The following ZNHIT6 variants were observed in gnomAD, a reference collection of about 807,000 sequenced individuals.
ZNHIT6 encodes box C/D snoRNA protein 1.
Under a neutral mutation model 57.2 loss-of-function variants are expected in ZNHIT6, and 45 were observed. The ratio of observed to expected loss-of-function variants is 0.79; its 90% CI spans 0.62 to 1.01. The LOEUF (loss-of-function observed/expected upper bound fraction) is 1.01, where lower values mean the gene tolerates loss of function less well. Ranked by LOEUF, ZNHIT6 falls within the 50% of genes least tolerant of loss-of-function variation. The probability of loss-of-function intolerance (pLI) is 0.00; values close to 1 mark genes in which losing one functional copy is unlikely to be tolerated. For synonymous variants in ZNHIT6, 188 were observed against 190.0 expected (o/e 0.99, Z 0.09); for missense variants, 528 against 567.3 (o/e 0.93, Z 0.70).
At chr1:85,677,978 C>A (rs746476853) in intron 7 of ZNHIT6, among the ~76,000 whole-genome samples, 11 of 151,894 alleles carry the variant, frequency 7.2e-5, no homozygotes, top group Non-Finnish European at 1.0e-4. Context: ...TTCATATATG[C>A]TATTTCTTTT....
intron 5 of ZNHIT6, among the ~76,000 whole-genome samples, chr1:85,695,037 G>A (rs1662327419): frequency 1.3e-5 from 2 of 152,114 alleles, no homozygotes; most frequent in Non-Finnish European, 2.9e-5. Context: ...GCTGAGGTGG[G>A]TGGACTGCCT....
intron 8 of ZNHIT6, among the ~76,000 whole-genome samples, chr1:85,673,017 C>A (rs1326427006): frequency 6.6e-6 from 1 of 152,126 alleles, no homozygotes; most frequent in African/African-American, 2.4e-5. Context: ...ACAACAGCTG[C>A]CCTCTGATAG....
At chr1:85,681,255 A>G (rs1266944854) in intron 5 of ZNHIT6, among the ~76,000 whole-genome samples, 2 of 152,198 alleles carry the variant, frequency 1.3e-5, no homozygotes. Context: ...AGGTGAATGA[A>G]GTATTGTCCG....
rs767351231 is a variant in ZNHIT6 at position 85,707,789 on chromosome 1, TCTC to T, written c.493_495del (p.Glu165del). 45 of 1,613,978 alleles carry T rather than the reference TCTC, an allele frequency of 2.8e-5. No individual in the cohort carries two copies. The Middle Eastern group carries it at 6.6e-4, about 24-fold the overall frequency. On this transcript the variant is annotated inframe_deletion, in exon 1 of 10. Coordinates refer to ENST00000370574, the MANE Select transcript of ZNHIT6 (RefSeq NM_017953.4). ...TCTTTTATGCATTGACCAACAAACT[TCTC>T]CTCCTGTTTTATCTCCAAGTTATCC...
At chr1:85,659,072 T>C (rs1196789786) in intron 8 of ZNHIT6, among the ~76,000 whole-genome samples, 1 of 152,162 alleles carries the variant, frequency 6.6e-6, no homozygotes, top group Non-Finnish European at 1.5e-5. Flanking sequence ...AGTCAATTAT[T>C]CTAATTATAA....
intron 8 of ZNHIT6, among the ~76,000 whole-genome samples, chr1:85,664,720 T>G (rs975002195): frequency 5.3e-5 from 8 of 151,988 alleles, no homozygotes; most frequent in African/African-American, 1.9e-4. Context: ...CAAACCCTTG[T>G]GACATGATTT....
At chr1:85,697,446 A>G (rs1210847619) in intron 5 of ZNHIT6, among the ~76,000 whole-genome samples, 1 of 152,212 alleles carries the variant, frequency 6.6e-6, no homozygotes. Context: ...AAGATTCAGC[A>G]TTTCCTCTCA....
intron 6 of ZNHIT6, among the ~76,000 whole-genome samples, chr1:85,680,585 CT>C (rs576601720): frequency 7.0e-4 from 106 of 152,254 alleles, no homozygotes; most frequent in African/African-American, 2.2e-3. Flanking sequence ...AGTTTTCTGG[CT>C]TTTTTCCCCC....
Position 85,687,281 on chromosome 1 carries a change from C to CAAAA in ZNHIT6, c.1020-6381_1020-6378dup, listed in dbSNP as rs371192859. Among the ~76,000 whole-genome samples, 311 of 33,530 alleles carry CAAAA rather than the reference C, an allele frequency of 9.3e-3. 80 individuals are homozygous for CAAAA. Among genetic ancestry groups the CAAAA allele is most frequent in the Non-Finnish European group, 0.01 (182 of 17,636 alleles). 22.0% of individuals were successfully genotyped at this position (33,530 alleles called of 152,430 possible). ...GGTGACAAGAGTGAGAAGACTATCT[C>CAAAA]AAAAAACAAAAAAAAAACAAAAAAA... is the stretch of plus-strand genomic sequence containing the variant. On this transcript the variant is annotated intron_variant, in intron 5 of 9. Transcript: ENST00000370574.
rs532228129 is a variant in ZNHIT6 at position 85,705,702 on chromosome 1, C to T, written c.915+376G>A. Among the ~76,000 whole-genome samples, 7 of 152,336 alleles carry T rather than the reference C, an allele frequency of 4.6e-5. 1 individual carries two copies. In the South Asian group the frequency reaches 1.4e-3, roughly 32 times the overall value. On this transcript the variant is annotated intron_variant, in intron 4 of 9. Coordinates refer to ENST00000370574, the MANE Select transcript of ZNHIT6 (RefSeq NM_017953.4). The stretch of plus-strand genomic sequence containing the variant: ...GTTCACATGACAGCCTCTTTCTCAG[C>T]ACTCAGATCACTGCTTACACATCAT...
At chr1:85,707,356 T>A (rs1662713508) in intron 1 of ZNHIT6, among the ~76,000 whole-genome samples, 1 of 152,222 alleles carries the variant, frequency 6.6e-6, no homozygotes, top group African/African-American at 2.4e-5. Flanking sequence ...CAGTTCCAAC[T>A]GATCTTTTGG....
At chr1:85,689,301 T>A (rs1662149126) in intron 5 of ZNHIT6, among the ~76,000 whole-genome samples, 1 of 152,168 alleles carries the variant, frequency 6.6e-6, no homozygotes, top group South Asian at 2.1e-4. Flanking sequence ...TATTCCAAGG[T>A]GAAAATCTGA....
Position 85,707,936 on chromosome 1 carries a change from C to T in ZNHIT6, c.349G>A (p.Val117Met). 6.2e-7 allele frequency: 1 copy of T among 1,614,124 alleles called. No homozygotes were observed. The highest frequency in any genetic ancestry group is 8.5e-7 in the Non-Finnish European group (1 of 1,180,030). Reference protein sequence around the residue: ...VKDENAGVLEVKQETDSSLVV... With the variant: ...VKDENAGVLEMKQETDSSLVV... Reference sequence around the variant, plus strand: ...AAACTACTATCCGTCTCCTGCTTCACCTCCAATACGCCTGCGTTCTCATCC... The same window carrying T: ...AAACTACTATCCGTCTCCTGCTTCATCTCCAATACGCCTGCGTTCTCATCC... Residue 117 changes from valine (V) to methionine (M), a missense_variant, in exon 1 of 10, where the codon GTG becomes ATG. Transcript: ENST00000370574.
intron 5 of ZNHIT6, among the ~76,000 whole-genome samples, chr1:85,691,148 G>A (rs1662207365): frequency 6.6e-6 from 1 of 152,150 alleles, no homozygotes. Context: ...TACTATTACT[G>A]TCTCCATCTT....
intron 8 of ZNHIT6, among the ~76,000 whole-genome samples, chr1:85,665,106 A>T (rs1365440369): frequency 2.0e-5 from 3 of 151,126 alleles, no homozygotes; most frequent in Admixed American, 6.6e-5. Flanking sequence ...TCTCTTGTTC[A>T]GTACCAACAT....
intron 4 of ZNHIT6, among the ~76,000 whole-genome samples, chr1:85,703,727 G>A (rs750657334): frequency 1.5e-4 from 23 of 152,246 alleles, no homozygotes; most frequent in Non-Finnish European, 2.6e-4. Flanking sequence ...GGTAGAGATG[G>A]ATTTCTTTAT....
intron 5 of ZNHIT6, among the ~76,000 whole-genome samples, chr1:85,692,248 G>A (rs72946671): frequency 1.3e-5 from 2 of 152,068 alleles, no homozygotes; most frequent in South Asian, 2.1e-4. Context: ...CTGGGAAAAG[G>A]CTTCCTTAAC....
Position 85,650,625 on chromosome 1 carries a change from G to A in ZNHIT6, c.*3433C>T, listed in dbSNP as rs1233477692. 6.6e-6 allele frequency: 1 copy of A among 152,140 alleles called. No homozygotes were observed. The highest frequency in any genetic ancestry group is 1.5e-5 in the Non-Finnish European group (1 of 68,030). The allele number at this position is 152,140 out of a possible 1,614,324, so 9.4% of individuals were successfully genotyped here. Reference sequence around the variant, plus strand: ...GTTTTATTTGGCTCATGATTCTGGTGGCTGGAAGGCTCAAGATTGGGCAGC... The same window carrying A: ...GTTTTATTTGGCTCATGATTCTGGTAGCTGGAAGGCTCAAGATTGGGCAGC... On this transcript the variant is annotated 3_prime_UTR_variant, in exon 10 of 10. Coordinates refer to ENST00000370574, the MANE Select transcript of ZNHIT6 (RefSeq NM_017953.4).
At chr1:85,704,534 T>C (rs755443663) in intron 4 of ZNHIT6, among the ~76,000 whole-genome samples, 39 of 152,174 alleles carry the variant, frequency 2.6e-4, no homozygotes, top group Non-Finnish European at 5.1e-4. Context: ...TAAATGAATA[T>C]TCATTTTATA....
Sources: allele counts gnomAD v4.1 joint callset (sites outside exome capture counted in the v4.1 genomes callset), GRCh38; gene constraint gnomAD v4.1.1; transcripts MANE v1.5; gene names NCBI Gene and HGNC (gene_info 2026-07-23, HGNC 2026-07-21).